The following AFDN variants were observed in gnomAD, a reference collection of about 807,000 sequenced individuals.
The protein encoded by AFDN is afadin.
AFDN carries 68 observed loss-of-function variants against 216.6 expected under a neutral mutation model. The ratio of observed to expected loss-of-function variants is 0.31; its 90% CI spans 0.26 to 0.38. The LOEUF is 0.38. Ranked by LOEUF, AFDN falls within the 10% of genes least tolerant of loss-of-function variation. The pLI, the probability that AFDN is intolerant of heterozygous loss-of-function variation, is 1.00. For synonymous variants in AFDN, 868 were observed against 853.7 expected (o/e 1.02, Z -0.29); for missense variants, 2,136 against 2,342.0 (o/e 0.91, Z 1.82).
In AFDN at chr6:167,918,818, G is replaced by A. The variant is rs1402248188; in HGVS notation, c.2793G>A (p.Glu931=). 5 of 1,613,034 alleles carry A rather than the reference G, an allele frequency of 3.1e-6. No homozygotes were observed. In the Admixed American group the frequency reaches 5.0e-5, roughly 16 times the overall value. Residue 931 remains glutamate, a synonymous_variant, in exon 21 of 34, where the codon GAG becomes GAA. Transcript: ENST00000683244. ...GTGATGGAAGGGAAGTGCAGTTGGA[G>A]GAGGATCCTGATCTGCAGCTGCCGT... The part of the protein sequence containing the change: ...ARSDGREVQL[E]EDPDLQLPFL...
intron 32 of AFDN, among the ~76,000 whole-genome samples, chr6:167,966,881 T>C (rs901871730): frequency 6.6e-6 from 1 of 152,132 alleles, no homozygotes; most frequent in Non-Finnish European, 1.5e-5. Context: ...ATTCCTCTCA[T>C]CCCCTTTTCC....
At position 167,914,675 on chromosome 6, in the gene AFDN, A is replaced by G; in HGVS notation, c.2236A>G (p.Asn746Asp). The G allele has an allele frequency of 6.2e-7, 1 of 1,613,324 alleles. No individual in the cohort carries two copies. The highest frequency in any genetic ancestry group is 8.5e-7 in the Non-Finnish European group (1 of 1,179,368). Residue 746 changes from asparagine to aspartate, a missense_variant, in exon 18 of 34, where the codon AAT (asparagine) becomes GAT (aspartate). Around this residue, in one of 8 missense-constraint regions of AFDN, gnomAD observed 817 missense variants for 965.7 expected, o/e 0.85. Transcript: ENST00000683244. ...GGTTCACTGTCTTCAATCAGAACTT[A>G]ATAATTACATGCCAGCCTTTCTAGA... ...YLVHCLQSELNNYMPAFLDDP... is the reference protein window; with the variant it reads ...YLVHCLQSELDNYMPAFLDDP...
chr6:167,869,727 C>T (rs1314722872), intron 2 of AFDN, among the ~76,000 whole-genome samples: 1 of 152,162 alleles, frequency 6.6e-6, no homozygotes, highest in Non-Finnish European at 1.5e-5. Flanking sequence ...GGAGACCCTC[C>T]GTGGAGTACC....
At chr6:167,965,638 G>GT in intron 31 of AFDN, 119 bp from the exon 32 acceptor site, 1 of 924,458 alleles carries the variant, frequency 1.1e-6, no homozygotes, top group Non-Finnish European at 1.6e-6. Flanking sequence ...CATAGTAATT[G>GT]TAACTATTAA....
Position 167,965,780 on chromosome 6 carries a change from C to A in AFDN, c.4992C>A (p.Tyr1664Ter). Residue 1664 changes from tyrosine (Y) to a stop codon, truncating the protein, a stop_gained, in exon 32 of 34, where the codon TAC (tyrosine) becomes TAA (stop). Coordinates refer to ENST00000683244, the MANE Select transcript of AFDN (RefSeq NM_001386888.1). LOFTEE classifies it high-confidence loss of function. ...EEKRRQEEGY[Y>*]SRLEAERRRQ... ...AGAGGCGACAGGAAGAAGGGTATTACAGCCGCCTGGAAGCCGAGAGGCGCA... is the reference window on the plus strand; with the variant it reads ...AGAGGCGACAGGAAGAAGGGTATTAAAGCCGCCTGGAAGCCGAGAGGCGCA... 6.4e-7 allele frequency: 1 copy of A among 1,557,848 alleles called. No individual in the cohort carries two copies. Among genetic ancestry groups the A allele is most frequent in the South Asian group, 1.2e-5 (1 of 81,040 alleles).
At chr6:167,852,676 T>A (rs1782453940) in intron 1 of AFDN, among the ~76,000 whole-genome samples, 2 of 152,160 alleles carry the variant, frequency 1.3e-5, no homozygotes, top group South Asian at 4.1e-4. Flanking sequence ...TAGACATAAA[T>A]TCTGAGCTCC....
intron 29 of AFDN, among the ~76,000 whole-genome samples, chr6:167,950,435 G>C (rs1583022349): frequency 7.0e-6 from 1 of 143,720 alleles, no homozygotes; most frequent in South Asian, 2.3e-4. Context: ...ATTTCTCTCT[G>C]TCTCTCACAG....
chr6:167,826,823 G>GGC (rs1562506457), upstream of AFDN: 13 of 140,546 alleles, frequency 9.2e-5, no homozygotes, highest in Non-Finnish European at 1.4e-4. Context: ...GGCGCCGCGC[G>GGC]GGGCGGCGGC....
intron 1 of AFDN, among the ~76,000 whole-genome samples, chr6:167,861,554 G>T (rs1216625016): frequency 6.6e-6 from 1 of 152,038 alleles, no homozygotes; most frequent in Non-Finnish European, 1.5e-5. Flanking sequence ...AAGATTTTAT[G>T]TTTGCAGTTT....
chr6:167,866,975 A>C (rs533539182), intron 2 of AFDN, among the ~76,000 whole-genome samples: 8 of 152,338 alleles, frequency 5.3e-5, no homozygotes, highest in African/African-American at 1.7e-4. Flanking sequence ...TATATAGTCC[A>C]AGTCTTTGTG....
intron 30 of AFDN, among the ~76,000 whole-genome samples, chr6:167,955,223 G>C (rs928262456): frequency 1.3e-5 from 2 of 152,120 alleles, no homozygotes; most frequent in African/African-American, 4.8e-5. Flanking sequence ...GCCAATATCA[G>C]ACGGTACATT....
chr6:167,945,539 C>G (rs1795166256), intron 26 of AFDN, among the ~76,000 whole-genome samples: 1 of 152,170 alleles, frequency 6.6e-6, no homozygotes, highest in Middle Eastern at 3.2e-3. Flanking sequence ...ATGAACTATA[C>G]TTGTATACAG....
In AFDN at chr6:167,970,951, TAAGAATAACTC is replaced by T. The variant is rs753131725; in HGVS notation, c.*1018_*1028del. 1.0e-4 allele frequency: 22 copies of T among 211,970 alleles called. No individual in the cohort carries two copies. The highest frequency in any genetic ancestry group is 2.1e-4 in the Non-Finnish European group (22 of 104,728). 13.1% of individuals were successfully genotyped at this position (211,970 alleles called of 1,614,324 possible). ...CAGGGCATCTGTAACTTAAATATTG[TAAGAATAACTC>T]ATATGGAAGTTCAAGCTATTTTTAT... On this transcript the variant is annotated 3_prime_UTR_variant, in exon 34 of 34. Transcript: ENST00000683244.
intron 25 of AFDN, 29 bp downstream of exon 25, chr6:167,943,504 A>C (rs1794931590): frequency 1.3e-6 from 2 of 1,560,976 alleles, no homozygotes; most frequent in African/African-American, 2.7e-5. Flanking sequence ...CTTGAAGCAT[A>C]GTATTAGCAT....
At chr6:167,911,530 G>C (rs896318197) in intron 15 of AFDN, 41 bp downstream of exon 15, 3 of 1,571,706 alleles carry the variant, frequency 1.9e-6, no homozygotes, top group African/African-American at 2.7e-5. Flanking sequence ...CAGTGATTGT[G>C]GTTGTAATTG....
chr6:167,910,953 C>T (rs1790305760), intron 13 of AFDN, 148 bp from the exon 14 acceptor site: 7 of 677,788 alleles, frequency 1.0e-5, no homozygotes, highest in Non-Finnish European at 7.5e-6. Flanking sequence ...GATTAGGCTA[C>T]ATCTGAAAAC....
chr6:167,893,631 G>A, intron 8 of AFDN: 1 of 476,872 alleles, frequency 2.1e-6, no homozygotes, highest in South Asian at 2.7e-5. Context: ...TTGTCCTGTG[G>A]TTTCCCTTAA....
intron 1 of AFDN, among the ~76,000 whole-genome samples, chr6:167,863,370 C>T (rs1486334911): frequency 2.0e-5 from 3 of 152,134 alleles, no homozygotes; most frequent in African/African-American, 7.2e-5. Context: ...ACTTATTAGT[C>T]AAAAAGAGGC....
rs2128792322 is a variant in AFDN, at chr6:167,971,477, C to A, written c.*1542C>A. ...TTTTTATTTGAAAGTGTGCTCTTAC[C>A]ATTTCCTTGTTTGAGTAAGAGAGTG... On this transcript the variant is annotated 3_prime_UTR_variant, in exon 34 of 34. Coordinates refer to ENST00000683244, the MANE Select transcript of AFDN (RefSeq NM_001386888.1). 1 of 194,982 alleles carries A rather than the reference C, an allele frequency of 5.1e-6. No individual in the cohort carries two copies. Among genetic ancestry groups the A allele is most frequent in the African/African-American group, 2.3e-5 (1 of 43,248 alleles). The allele number at this position is 194,982 out of a possible 1,614,324, so 12.1% of individuals were successfully genotyped here. A position where few individuals can be genotyped will look rare whatever the true frequency, so the allele number is the denominator to read the frequency against.
Sources: gnomAD v4.1 joint callset for allele counts (sites outside exome capture counted in the v4.1 genomes callset) on GRCh38, gnomAD v4.1.1 for gene constraint, gnomAD v4.1.1 regional missense constraint, MANE v1.5 for transcripts, NCBI Gene and HGNC (gene_info 2026-07-23, HGNC 2026-07-21) for gene names.